The following SLC9A1 variants were observed in gnomAD, a reference collection of about 807,000 sequenced individuals.
SLC9A1 encodes the protein solute carrier family 9 member A1, also known as sodium/hydrogen exchanger 1.
Under a neutral mutation model 67.9 loss-of-function variants are expected in SLC9A1, and 22 were observed. That is an observed-to-expected ratio of 0.32 (90% CI 0.23 to 0.46). The LOEUF is 0.46. SLC9A1 is among the 20% of genes least tolerant of loss of function. The probability of loss-of-function intolerance (pLI) is 1.00; values close to 1 mark genes in which losing one functional copy is unlikely to be tolerated. For missense variants in SLC9A1, 686 were observed against 1,094.8 expected, an observed-to-expected ratio of 0.63 and a Z score of 5.27; for synonymous variants, 421 against 471.8, an observed-to-expected ratio of 0.89 and a Z score of 1.40.
In SLC9A1 at chr1:27,106,112, G is replaced by A. The variant is rs544830671; in HGVS notation, c.1283-25C>T. Reference sequence around the variant, plus strand: ...CCTGCAGGGGAAGGCAGGGGGTGATGAGGGTCAGGTCGGGCTGTCCCCAGT... The same window carrying A: ...CCTGCAGGGGAAGGCAGGGGGTGATAAGGGTCAGGTCGGGCTGTCCCCAGT... On this transcript the variant is annotated intron_variant, in intron 4 of 11. Coordinates refer to ENST00000263980, the MANE Select transcript of SLC9A1 (RefSeq NM_003047.5). This position sits in a 1 kb window ranked among gnomAD's most constrained non-coding sequence, Gnocchi z 4.3. The A allele has an allele frequency of 3.9e-6, 6 of 1,545,918 alleles. No individual in the cohort carries two copies. The African/African-American group carries it at 5.4e-5, about 14-fold the overall frequency.
At chr1:27,105,387 C>T (rs1257932340) in intron 5 of SLC9A1, 8 of 307,422 alleles carry the variant, frequency 2.6e-5, no homozygotes, top group Non-Finnish European at 5.0e-5. Flanking sequence ...GCAACCTCCA[C>T]CTCCTGGGTT....
rs560132755 is a variant in SLC9A1, at chr1:27,107,551, G to C, written c.1282+97C>G. 172 of 895,302 alleles carry C rather than the reference G, an allele frequency of 1.9e-4. No homozygotes were observed. In the African/African-American group the frequency reaches 2.7e-3, roughly 14 times the overall value. 55.5% of individuals were successfully genotyped at this position (895,302 alleles called of 1,614,324 possible). On this transcript the variant is annotated intron_variant, in intron 4 of 11. Coordinates refer to ENST00000263980, the MANE Select transcript of SLC9A1 (RefSeq NM_003047.5). Reference sequence around the variant, plus strand: ...CCACATAGCCTGGCCCTTCCACATAGTGCACTGCACACACCACACACACAG... The same window carrying C: ...CCACATAGCCTGGCCCTTCCACATACTGCACTGCACACACCACACACACAG...
intron 5 of SLC9A1, among the ~76,000 whole-genome samples, chr1:27,104,925 G>A (rs547272916): frequency 6.6e-6 from 1 of 152,190 alleles, no homozygotes; most frequent in Non-Finnish European, 1.5e-5. Flanking sequence ...GGCTTCCTTG[G>A]GGACCTTAGG....
rs1235015807 is a variant in SLC9A1, at chr1:27,137,695, C to T, written c.352+16288G>A. ...CGACCATAGGGTTCAGCAGGGAACA[C>T]GCATGTCCAACCCTGGTGTTCAGCA... On this transcript the variant is annotated intron_variant, in intron 1 of 11. Coordinates refer to ENST00000263980, the MANE Select transcript of SLC9A1 (RefSeq NM_003047.5). The surrounding 1 kb of genome is among the most constrained non-coding windows in gnomAD (Gnocchi z 4.6). Among the ~76,000 whole-genome samples the T allele has an allele frequency of 1.3e-5, 2 of 152,174 alleles. No individual in the cohort carries two copies. Among genetic ancestry groups the T allele is most frequent in the Non-Finnish European group, 2.9e-5 (2 of 68,026 alleles).
intron 1 of SLC9A1, among the ~76,000 whole-genome samples, chr1:27,129,397 G>A (rs1279146841): frequency 6.6e-6 from 1 of 152,204 alleles, no homozygotes; most frequent in African/African-American, 2.4e-5. Context: ...GATGTAGAGT[G>A]GATAGGAGAA....
At chr1:27,112,049 C>T (rs1438322232) in intron 2 of SLC9A1, among the ~76,000 whole-genome samples, 1 of 152,164 alleles carries the variant, frequency 6.6e-6, no homozygotes, top group Non-Finnish European at 1.5e-5. Flanking sequence ...ACTGGCTTCA[C>T]AGACATTAGT....
chr1:27,131,749 A>G (rs1488102728), intron 1 of SLC9A1, among the ~76,000 whole-genome samples: 2 of 148,868 alleles, frequency 1.3e-5, no homozygotes, highest in Non-Finnish European at 3.0e-5. Context: ...CTGTCTCAAA[A>G]AAAAAAAAAA....
intron 1 of SLC9A1, among the ~76,000 whole-genome samples, chr1:27,150,149 G>A (rs2083516936): frequency 1.3e-5 from 2 of 152,160 alleles, no homozygotes; most frequent in South Asian, 4.1e-4. Flanking sequence ...GCACCTTCTA[G>A]TGTCATTTTT....
Position 27,100,150 on chromosome 1 carries a change from G to A in SLC9A1, c.*157C>T, listed in dbSNP as rs1291883093. ...ATGCTTCCCGGGAGGCGGCAGGGGA[G>A]GAGCTGTGCTGGGGTGGGGGCTGTG... On this transcript the variant is annotated 3_prime_UTR_variant, in exon 12 of 12. Transcript: ENST00000263980. This position sits in a 1 kb window ranked among gnomAD's most constrained non-coding sequence, Gnocchi z 5.6. The A allele has an allele frequency of 5.9e-6, 3 of 510,570 alleles. No homozygotes were observed. Among genetic ancestry groups the A allele is most frequent in the Non-Finnish European group, 1.0e-5 (3 of 297,234 alleles). 31.6% of individuals were successfully genotyped at this position (510,570 alleles called of 1,614,324 possible).
chr1:27,152,186 G>A (rs2083533026), intron 1 of SLC9A1, among the ~76,000 whole-genome samples: 1 of 152,176 alleles, frequency 6.6e-6, no homozygotes, highest in Admixed American at 6.5e-5. Context: ...TGGTGACAAA[G>A]CAGGCCAGGC....
rs2124225963 is a variant in SLC9A1, at chr1:27,154,921, C to G, written c.-587G>C. On this transcript the variant is annotated 5_prime_UTR_variant, in exon 1 of 12. Coordinates refer to ENST00000263980, the MANE Select transcript of SLC9A1 (RefSeq NM_003047.5). ...GGTCCAGGCGCGCCGGGCTGAGATT[C>G]CGGGGAAATGGAAAGAGGCGGAAGG... is the stretch of plus-strand genomic sequence containing the variant. The G allele has an allele frequency of 6.6e-6, 1 of 152,422 alleles. No individual in the cohort carries two copies. The highest frequency in any genetic ancestry group is 6.5e-5 in the Admixed American group (1 of 15,296). 9.4% of individuals were successfully genotyped at this position (152,422 alleles called of 1,614,324 possible). A position where few individuals can be genotyped will look rare whatever the true frequency, so the allele number is the denominator to read the frequency against.
intron 5 of SLC9A1, 114 bp downstream of exon 5, chr1:27,105,771 A>G: frequency 1.1e-6 from 1 of 891,536 alleles, no homozygotes. Flanking sequence ...ACAGCAAGTT[A>G]GTGGTGGAGC....
At chr1:27,115,081 C>T (rs574339458) in intron 1 of SLC9A1, among the ~76,000 whole-genome samples, 2 of 152,234 alleles carry the variant, frequency 1.3e-5, no homozygotes, top group South Asian at 4.2e-4. Context: ...AGGGACTTGC[C>T]CAAAGTCACA....
intron 1 of SLC9A1, among the ~76,000 whole-genome samples, chr1:27,127,181 TG>T (rs1364617036): frequency 6.6e-6 from 1 of 152,026 alleles, no homozygotes; most frequent in East Asian, 1.9e-4. Context: ...TTGTATTTTT[TG>T]TAGAGATAGG....
At chr1:27,123,286 TC>T (rs1470657659) in intron 1 of SLC9A1, among the ~76,000 whole-genome samples, 1 of 152,126 alleles carries the variant, frequency 6.6e-6, no homozygotes. Context: ...TATACCAGTC[TC>T]CCCCACAACC....
chr1:27,102,534 A>G lies in SLC9A1; in HGVS notation c.1671T>C (p.Tyr557=). The G allele has an allele frequency of 6.2e-7, 1 of 1,608,006 alleles. No homozygotes were observed. Among genetic ancestry groups the G allele is most frequent in the Non-Finnish European group, 8.5e-7 (1 of 1,175,198 alleles). ...KDKLNRFNKK[Y]VKKCLIAGER... Reference sequence around the variant, plus strand: ...CGCCAGCTATCAGACACTTCTTCACATATTTCTTATTAAACCGGTTGAGCC... The same window carrying G: ...CGCCAGCTATCAGACACTTCTTCACGTATTTCTTATTAAACCGGTTGAGCC... Residue 557 remains tyrosine (Y), a synonymous_variant, in exon 8 of 12, where the codon TAT becomes TAC. Coordinates refer to ENST00000263980, the MANE Select transcript of SLC9A1 (RefSeq NM_003047.5).
At chr1:27,132,993 G>T (rs1026102396) in intron 1 of SLC9A1, among the ~76,000 whole-genome samples, 1 of 152,050 alleles carries the variant, frequency 6.6e-6, no homozygotes, top group Non-Finnish European at 1.5e-5. Context: ...ATCTTATCAT[G>T]CCAAATGCTT....
intron 1 of SLC9A1, among the ~76,000 whole-genome samples, chr1:27,117,982 G>A (rs1354990311): frequency 6.6e-6 from 1 of 152,078 alleles, no homozygotes; most frequent in African/African-American, 2.4e-5. Flanking sequence ...ATGACCAGGT[G>A]AACAGAGAGC....
chr1:27,100,471 T>C lies in SLC9A1; in HGVS notation c.2284A>G (p.Ile762Val). The C allele has an allele frequency of 6.2e-7, 1 of 1,614,064 alleles. No individual in the cohort carries two copies. The highest frequency in any genetic ancestry group is 8.5e-7 in the Non-Finnish European group (1 of 1,179,950). Residue 762 changes from isoleucine (I) to valine (V), a missense_variant, in exon 12 of 12, where the codon ATC (isoleucine) becomes GTC (valine). Around this residue, in one of 7 missense-constraint regions of SLC9A1, gnomAD observed 226 missense variants for 282.4 expected, o/e 0.80. Transcript: ENST00000263980. This position sits in a 1 kb window ranked among gnomAD's most constrained non-coding sequence, Gnocchi z 5.6. ...AEEDEDDDGG[I>V]MMRSKETSSP... ...GAAGTCTCCTTGCTCCGCATCATGA[T>C]GCCCCCATCGTCGTCCTCGTCCTCC...
Sources: gnomAD v4.1 joint callset for allele counts (sites outside exome capture counted in the v4.1 genomes callset) on GRCh38, gnomAD v4.1.1 for gene constraint, gnomAD v4.1.1 regional missense constraint, Gnocchi (gnomAD v3.1) non-coding constraint, MANE v1.5 for transcripts, NCBI Gene and HGNC (gene_info 2026-07-23, HGNC 2026-07-21) for gene names.